The following KCNK13 variants were observed in gnomAD, a reference collection of about 807,000 sequenced individuals.
KCNK13 encodes the protein potassium channel subfamily K member 13.
KCNK13 carries 12 observed loss-of-function variants against 23.4 expected under a neutral mutation model. That is an observed-to-expected ratio of 0.51 (90% CI 0.33 to 0.83). The LOEUF (loss-of-function observed/expected upper bound fraction) is 0.83, where lower values mean the gene tolerates loss of function less well. Among genes scored for constraint, KCNK13 ranks in the 40% least tolerant of loss-of-function variants. KCNK13 has a pLI of 0.02. For missense variants in KCNK13, 463 were observed against 556.3 expected (o/e 0.83, Z 1.69); for synonymous variants, 231 against 229.5 (o/e 1.01, Z -0.06).
chr14:90,135,744 C>CT (rs1295127024), intron 1 of KCNK13, among the ~76,000 whole-genome samples: 1 of 152,066 alleles, frequency 6.6e-6, no homozygotes. Flanking sequence ...GAAAAGGACT[C>CT]TTTTTTGTTC....
At chr14:90,084,737 A>G (rs998927145) in intron 1 of KCNK13, among the ~76,000 whole-genome samples, 3 of 152,054 alleles carry the variant, frequency 2.0e-5, no homozygotes, top group Admixed American at 6.6e-5. Context: ...GTCTTTCACT[A>G]TTGAGTATGA....
intron 1 of KCNK13, among the ~76,000 whole-genome samples, chr14:90,064,429 C>T (rs1486662225): frequency 6.6e-6 from 1 of 151,924 alleles, no homozygotes; most frequent in East Asian, 1.9e-4. Context: ...GGTAGGTGGC[C>T]ATATAGGAAC....
At chr14:90,178,992 G>A (rs761086320) in intron 1 of KCNK13, among the ~76,000 whole-genome samples, 64 of 152,184 alleles carry the variant, frequency 4.2e-4, no homozygotes, top group Admixed American at 3.1e-3. Context: ...CAAATCATCC[G>A]TAAAAAGATA....
In KCNK13 at chr14:90,184,349, G is replaced by A. The variant is rs1259627415; in HGVS notation, c.573G>A (p.Lys191=). 2.7e-5 allele frequency: 44 copies of A among 1,614,138 alleles called. No homozygotes were observed. The highest frequency in any genetic ancestry group is 3.7e-5 in the Non-Finnish European group (44 of 1,180,058). ...QCEVDSLAGW[K]PSVYYVMLIL... The stretch of plus-strand genomic sequence containing the variant: ...AGGTGGACAGCCTGGCCGGCTGGAA[G>A]CCCTCCGTGTACTACGTCATGCTGA... Residue 191 remains lysine, a synonymous_variant, in exon 2 of 2, where the codon AAG becomes AAA. Transcript: ENST00000282146. The surrounding 1 kb of genome is among the most constrained non-coding windows in gnomAD (Gnocchi z 5.6).
At chr14:90,073,327 T>A (rs1889098525) in intron 1 of KCNK13, among the ~76,000 whole-genome samples, 4 of 152,162 alleles carry the variant, frequency 2.6e-5, no homozygotes. Flanking sequence ...AACAGAGACT[T>A]CTGCCTCCCA....
intron 1 of KCNK13, among the ~76,000 whole-genome samples, chr14:90,076,986 A>C (rs954245970): frequency 6.6e-6 from 1 of 151,030 alleles, no homozygotes; most frequent in Non-Finnish European, 1.5e-5. Flanking sequence ...CACCTGGCTA[A>C]TTTTTTGTAT....
chr14:90,152,954 A>G (rs969710705), intron 1 of KCNK13, among the ~76,000 whole-genome samples: 3 of 152,186 alleles, frequency 2.0e-5, no homozygotes, highest in African/African-American at 7.2e-5. Flanking sequence ...CTGGGCCTTG[A>G]CATTTCCCTA....
At position 90,107,261 on chromosome 14, in the gene KCNK13, C is replaced by T. The variant is rs529049571; in HGVS notation, c.334+44722C>T. The stretch of plus-strand genomic sequence containing the variant: ...TCGGGAGGCCAAGGTGGGCAGATCA[C>T]GAGGTCAGGAGATTGAGACCATCCT... On this transcript the variant is annotated intron_variant, in intron 1 of 1. Transcript: ENST00000282146. Among the ~76,000 whole-genome samples the T allele has an allele frequency of 5.9e-5, 9 of 152,142 alleles. No homozygotes were observed. The East Asian group carries it at 1.2e-3, about 20-fold the overall frequency.
intron 1 of KCNK13, among the ~76,000 whole-genome samples, chr14:90,155,237 T>C (rs1566647717): frequency 6.6e-6 from 1 of 151,690 alleles, no homozygotes; most frequent in Non-Finnish European, 1.5e-5. Context: ...CTGGGGGAAA[T>C]GCAGAGGAAG....
chr14:90,171,178 C>G (rs1890360843), intron 1 of KCNK13, among the ~76,000 whole-genome samples: 1 of 152,222 alleles, frequency 6.6e-6, no homozygotes, highest in African/African-American at 2.4e-5. Context: ...TGCTGAGCCC[C>G]TCCTTGGGGA....
intron 1 of KCNK13, among the ~76,000 whole-genome samples, chr14:90,076,779 G>A (rs1238433566): frequency 1.3e-5 from 2 of 152,244 alleles, no homozygotes; most frequent in Admixed American, 6.5e-5. Context: ...AGCAGTTAAT[G>A]TCTTGCTCAA....
At chr14:90,092,413 A>G (rs1402603107) in intron 1 of KCNK13, among the ~76,000 whole-genome samples, 1 of 152,164 alleles carries the variant, frequency 6.6e-6, no homozygotes, top group Non-Finnish European at 1.5e-5. Context: ...TGTCATGGGG[A>G]AAATGTAGGT....
At chr14:90,146,515 C>T (rs1041550383) in intron 1 of KCNK13, among the ~76,000 whole-genome samples, 1 of 152,088 alleles carries the variant, frequency 6.6e-6, no homozygotes, top group Non-Finnish European at 1.5e-5. Flanking sequence ...GGGGTTTCAC[C>T]AAGTTGGCCA....
chr14:90,141,281 T>C (rs1029257892), intron 1 of KCNK13, among the ~76,000 whole-genome samples: 3 of 152,262 alleles, frequency 2.0e-5, no homozygotes, highest in African/African-American at 7.2e-5. Flanking sequence ...ATAGCTCTTA[T>C]TTCTTGCAGC....
At chr14:90,125,810 C>G (rs766290171) in intron 1 of KCNK13, among the ~76,000 whole-genome samples, 54 of 152,108 alleles carry the variant, frequency 3.6e-4, no homozygotes, top group Non-Finnish European at 6.9e-4. Flanking sequence ...ATGGCTTGAG[C>G]CCAGGAGTTC....
chr14:90,160,080 G>A (rs901842486), intron 1 of KCNK13, among the ~76,000 whole-genome samples: 5 of 151,852 alleles, frequency 3.3e-5, no homozygotes, highest in Non-Finnish European at 7.4e-5. Context: ...TTCAGGCTGC[G>A]GCAAAAAAGA....
chr14:90,098,130 G>T (rs1002943294), intron 1 of KCNK13, among the ~76,000 whole-genome samples: 1 of 152,154 alleles, frequency 6.6e-6, no homozygotes, highest in Non-Finnish European at 1.5e-5. Context: ...TCACCTGTGG[G>T]TTCCTCATAG....
chr14:90,108,109 T>G, intron 1 of KCNK13: 1 of 427,434 alleles, frequency 2.3e-6, no homozygotes, highest in South Asian at 2.5e-5. Context: ...TTTTTCTTCT[T>G]TTGCCTCAGT....
intron 1 of KCNK13, among the ~76,000 whole-genome samples, chr14:90,125,290 C>T (rs373184407): frequency 3.4e-4 from 52 of 150,850 alleles, no homozygotes; most frequent in African/African-American, 1.2e-3. Flanking sequence ...GTGGCGTGAT[C>T]TCGGCTCACT....
Sources: gnomAD v4.1 joint callset for allele counts (sites outside exome capture counted in the v4.1 genomes callset) on GRCh38, gnomAD v4.1.1 for gene constraint, Gnocchi (gnomAD v3.1) non-coding constraint, MANE v1.5 for transcripts, NCBI Gene and HGNC (gene_info 2026-07-23, HGNC 2026-07-21) for gene names.